Variants in GPBP1 observed in about 807,000 individuals in gnomAD.
GPBP1 encodes the protein vasculin.
In GPBP1, 13 loss-of-function variants were observed where a neutral mutation model predicts 56.5. That is an observed-to-expected ratio of 0.23 (90% confidence interval 0.15 to 0.37). GPBP1 has a LOEUF of 0.37. GPBP1 is among the 10% of genes least tolerant of loss of function. The pLI is 1.00. For missense variants in GPBP1, 477 were observed against 572.3 expected (o/e 0.83, Z 1.70); for synonymous variants, 204 against 188.9 (o/e 1.08, Z -0.66).
chr5:57,226,339 G>T (rs189672111), intron 3 of GPBP1, among the ~76,000 whole-genome samples: 1 of 152,058 alleles, frequency 6.6e-6, no homozygotes, highest in Non-Finnish European at 1.5e-5. Context: ...CAGTTGGCTG[G>T]GTCCTGACCT....
At chr5:57,189,864 C>G (rs1169489298) in intron 2 of GPBP1, among the ~76,000 whole-genome samples, 1 of 152,100 alleles carries the variant, frequency 6.6e-6, no homozygotes, top group African/African-American at 2.4e-5. Flanking sequence ...TATATTTGTT[C>G]CCTCTTCTCT....
chr5:57,199,984 A>G (rs1754927527), intron 2 of GPBP1, among the ~76,000 whole-genome samples: 1 of 146,402 alleles, frequency 6.8e-6, no homozygotes, highest in African/African-American at 2.5e-5. Flanking sequence ...CTGGGATTAC[A>G]GGCGTGAGCC....
intron 6 of GPBP1, among the ~76,000 whole-genome samples, chr5:57,242,705 G>A (rs1221382572): frequency 6.6e-6 from 1 of 151,994 alleles, no homozygotes; most frequent in African/African-American, 2.4e-5. Flanking sequence ...CTTGGCCTCC[G>A]AAAGTGCTGG....
intron 2 of GPBP1, among the ~76,000 whole-genome samples, chr5:57,206,334 G>A (rs547455188): frequency 3.5e-4 from 53 of 152,190 alleles, no homozygotes; most frequent in African/African-American, 1.3e-3. Flanking sequence ...TTATCTCCCT[G>A]TTTTCTTCTA....
At chr5:57,225,542 G>A (rs776124958) in intron 3 of GPBP1, among the ~76,000 whole-genome samples, 7 of 146,350 alleles carry the variant, frequency 4.8e-5, no homozygotes, top group African/African-American at 1.8e-4. Context: ...ACAATTAACT[G>A]TCCATATTAA....
chr5:57,241,830 T>C (rs996282156), intron 6 of GPBP1, among the ~76,000 whole-genome samples: 1 of 152,214 alleles, frequency 6.6e-6, no homozygotes, highest in Admixed American at 6.6e-5. Flanking sequence ...GGGGTCTTCT[T>C]CATATAATTA....
At chr5:57,224,592 C>T (rs565109630) in intron 3 of GPBP1, among the ~76,000 whole-genome samples, 8 of 151,988 alleles carry the variant, frequency 5.3e-5, no homozygotes, top group South Asian at 4.2e-4. Context: ...ACTACAGGTG[C>T]GCACCACCAT....
intron 2 of GPBP1, among the ~76,000 whole-genome samples, chr5:57,189,936 T>A (rs1231936285): frequency 2.0e-5 from 3 of 152,200 alleles, no homozygotes; most frequent in Non-Finnish European, 2.9e-5. Context: ...TCTCTAACCA[T>A]TTTGTGTAAA....
chr5:57,186,243 A>T (rs1057405594), intron 2 of GPBP1, among the ~76,000 whole-genome samples: 1 of 152,050 alleles, frequency 6.6e-6, no homozygotes, highest in African/African-American at 2.4e-5. Flanking sequence ...CAAAAAATTT[A>T]AATTAAGTGG....
At chr5:57,234,679 G>C (rs1756593083) in intron 5 of GPBP1, among the ~76,000 whole-genome samples, 1 of 152,218 alleles carries the variant, frequency 6.6e-6, no homozygotes, top group Non-Finnish European at 1.5e-5. Flanking sequence ...AGCAGAAAAG[G>C]AAATCCAAGA....
At position 57,219,410 on chromosome 5, in the gene GPBP1, A is replaced by C. The variant is rs60193149; in HGVS notation, c.63+5217A>C. Among the ~76,000 whole-genome samples, 458 of 62,568 alleles carry C rather than the reference A, an allele frequency of 7.3e-3. 49 individuals are homozygous for C. The highest frequency in any genetic ancestry group is 0.048 in the African/African-American group (429 of 8,870). 41.0% of individuals were successfully genotyped at this position (62,568 alleles called of 152,430 possible). On this transcript the variant is annotated intron_variant, in intron 3 of 11. Coordinates refer to ENST00000506184, the MANE Select transcript of GPBP1 (RefSeq NM_022913.4). ...AAAAAAAAAAAAAAAAAAACCAAAA[A>C]CAAACAAACAAAAAAAAAAACAACA...
rs1474715654 is a variant in GPBP1 at position 57,264,557 on chromosome 5, A to C, written c.*1805A>C. 1 of 152,068 alleles carries C rather than the reference A, an allele frequency of 6.6e-6. No homozygotes were observed. The highest frequency in any genetic ancestry group is 1.5e-5 in the Non-Finnish European group (1 of 68,000). The allele number at this position is 152,068 out of a possible 1,614,324, so 9.4% of individuals were successfully genotyped here. A position where few individuals can be genotyped will look rare whatever the true frequency, so the allele number is the denominator to read the frequency against. ...GGTTTTTGGCATCTTTCTTATACTCAGTTTTTTCTGCCTTAATTCCCATTT... is the reference window on the plus strand; with the variant it reads ...GGTTTTTGGCATCTTTCTTATACTCCGTTTTTTCTGCCTTAATTCCCATTT... On this transcript the variant is annotated 3_prime_UTR_variant, in exon 12 of 12. Transcript: ENST00000506184.
At chr5:57,262,561 G>A in intron 11 of GPBP1, 33 bp from the exon 12 acceptor site, 1 of 1,503,734 alleles carries the variant, frequency 6.7e-7, no homozygotes. Context: ...ACTCTTGAGG[G>A]ATAATTTATT....
chr5:57,225,491 C>CAA (rs554699501), intron 3 of GPBP1, among the ~76,000 whole-genome samples: 789 of 37,864 alleles, frequency 0.021, 22 homozygotes, highest in African/African-American at 0.053. Context: ...GATTCCTTCT[C>CAA]AAAAAAAAAA....
chr5:57,235,926 A>G (rs770284501), intron 5 of GPBP1, 40 bp from the exon 6 acceptor site: 3 of 1,409,300 alleles, frequency 2.1e-6, no homozygotes, highest in Non-Finnish European at 3.0e-6. Context: ...TAAATGATTT[A>G]TTTTTAAAAT....
chr5:57,260,387 G>A (rs935972619), intron 10 of GPBP1, among the ~76,000 whole-genome samples: 3 of 152,150 alleles, frequency 2.0e-5, no homozygotes, highest in South Asian at 4.2e-4. Context: ...TAAACTTTTC[G>A]TAAAGCATCA....
intron 2 of GPBP1, among the ~76,000 whole-genome samples, chr5:57,183,846 G>T (rs913619597): frequency 1.4e-5 from 2 of 142,324 alleles, no homozygotes; most frequent in Admixed American, 7.5e-5. Flanking sequence ...ATCACAGTTT[G>T]CTGCAGCCTC....
intron 2 of GPBP1, among the ~76,000 whole-genome samples, chr5:57,180,576 G>A (rs1424774270): frequency 6.6e-6 from 1 of 152,166 alleles, no homozygotes; most frequent in African/African-American, 2.4e-5. Flanking sequence ...TCATGGCTGA[G>A]GGTTTGGAAG....
At chr5:57,257,263 T>C (rs1156497271) in intron 10 of GPBP1, among the ~76,000 whole-genome samples, 1 of 152,212 alleles carries the variant, frequency 6.6e-6, no homozygotes, top group African/African-American at 2.4e-5. Context: ...CTCGAACTCC[T>C]GACCTCAGGT....
Sources: gnomAD v4.1 joint callset for allele counts (sites outside exome capture counted in the v4.1 genomes callset) on GRCh38, gnomAD v4.1.1 for gene constraint, MANE v1.5 for transcripts, NCBI Gene and HGNC (gene_info 2026-07-23, HGNC 2026-07-21) for gene names.